The following TENM2 variants were observed in gnomAD, a reference collection of about 807,000 sequenced individuals.
The protein encoded by TENM2 is teneurin transmembrane protein 2.
TENM2 carries 52 observed loss-of-function variants against 245.2 expected under a neutral mutation model. That is an observed-to-expected ratio of 0.21 (90% confidence interval 0.17 to 0.27). The LOEUF (loss-of-function observed/expected upper bound fraction) is 0.27. TENM2 is among the 10% of genes least tolerant of loss of function. The pLI, the probability that TENM2 is intolerant of heterozygous loss-of-function variation, is 1.00. For synonymous variants in TENM2, 1,363 were observed against 1,438.9 expected (o/e 0.95, Z 1.19); for missense variants, 3,046 against 3,666.8 (o/e 0.83, Z 4.37).
chr5:167,351,767 T>C (rs763330991), intron 1 of TENM2, among the ~76,000 whole-genome samples: 5 of 152,064 alleles, frequency 3.3e-5, no homozygotes, highest in Non-Finnish European at 5.9e-5. Context: ...CCCCAAGTCA[T>C]TATTTAAGGG....
the TENM2 span, among the ~76,000 whole-genome samples, chr5:167,279,576 C>T: frequency 1.1e-5 from 1 of 90,712 alleles, no homozygotes; most frequent in Non-Finnish European, 2.2e-5. Flanking sequence ...CTTCTTTCTT[C>T]TGTTGTATAT....
chr5:168,121,415 T>A (rs1244848304), intron 10 of TENM2, among the ~76,000 whole-genome samples: 1 of 152,236 alleles, frequency 6.6e-6, no homozygotes, highest in Non-Finnish European at 1.5e-5. Flanking sequence ...ATAGTAAAAC[T>A]GCTCCTCTTG....
chr5:167,601,724 G>A (rs902966747), intron 2 of TENM2, among the ~76,000 whole-genome samples: 1 of 152,148 alleles, frequency 6.6e-6, no homozygotes, highest in Non-Finnish European at 1.5e-5. Flanking sequence ...GTTACCCTAT[G>A]AATCACTGAG....
intron 4 of TENM2, among the ~76,000 whole-genome samples, chr5:167,990,386 C>T (rs752266263): frequency 2.0e-5 from 3 of 152,134 alleles, no homozygotes; most frequent in African/African-American, 7.2e-5. Flanking sequence ...ATGGGACACA[C>T]CTTGGTTAAG....
At chr5:167,300,938 A>T (rs1755274986) in intron 1 of TENM2, among the ~76,000 whole-genome samples, 1 of 152,138 alleles carries the variant, frequency 6.6e-6, no homozygotes. Context: ...TGGCCCCAGA[A>T]TTGGGGAGTT....
Position 167,697,628 on chromosome 5 carries a change from G to A in TENM2, c.503-178358G>A, listed in dbSNP as rs183902388. ...GCAACCTCTGCCCCCAGGTTCAAGCGATTCTCCTGCCTCAGCCTCCCTACT... is the reference window on the plus strand; with the variant it reads ...GCAACCTCTGCCCCCAGGTTCAAGCAATTCTCCTGCCTCAGCCTCCCTACT... On this transcript the variant is annotated intron_variant, in intron 2 of 28. Coordinates refer to ENST00000518659, the Ensembl canonical transcript of TENM2. Among the ~76,000 whole-genome samples, 66 of 152,214 alleles carry A rather than the reference G, an allele frequency of 4.3e-4. 1 individual carries two copies. The East Asian group carries it at 0.012, about 27-fold the overall frequency.
At chr5:167,561,008 C>G (rs998144827) in intron 2 of TENM2, among the ~76,000 whole-genome samples, 1 of 152,116 alleles carries the variant, frequency 6.6e-6, no homozygotes, top group Non-Finnish European at 1.5e-5. Context: ...ATGATCCAGC[C>G]CAAAATGTCA....
At chr5:167,058,592 C>G in the TENM2 span, among the ~76,000 whole-genome samples, 6 of 151,950 alleles carry the variant, frequency 3.9e-5, no homozygotes, top group African/African-American at 1.4e-4. Context: ...GACCCTATCT[C>G]TATAAAAAAT....
the TENM2 span, among the ~76,000 whole-genome samples, chr5:167,068,188 T>C: frequency 2.0e-5 from 3 of 152,208 alleles, no homozygotes; most frequent in African/African-American, 7.2e-5. Flanking sequence ...TGAAGTTTAA[T>C]AGTAGATGGC....
the TENM2 span, among the ~76,000 whole-genome samples, chr5:167,212,859 A>G: frequency 1.8e-4 from 27 of 152,304 alleles, no homozygotes; most frequent in South Asian, 1.7e-3. Context: ...ATATGCACAT[A>G]GGAGGAGAGC....
At chr5:167,046,170 C>T in the TENM2 span, among the ~76,000 whole-genome samples, 1 of 152,138 alleles carries the variant, frequency 6.6e-6, no homozygotes, top group Non-Finnish European at 1.5e-5. Context: ...TTCCAAATCA[C>T]AGTTATGTGG....
intron 2 of TENM2, among the ~76,000 whole-genome samples, chr5:167,640,551 G>A (rs1293762856): frequency 6.6e-6 from 1 of 150,554 alleles, no homozygotes; most frequent in Non-Finnish European, 1.5e-5. Flanking sequence ...CCATGACGTG[G>A]AGGTTGCAGT....
intron 2 of TENM2, among the ~76,000 whole-genome samples, chr5:167,484,223 C>T (rs12516554): frequency 0.22 from 32,888 of 151,920 alleles, 3,716 homozygotes; most frequent in African/African-American, 0.29. Context: ...CGGGAACCTG[C>T]AATCCTAGCT....
the TENM2 span, among the ~76,000 whole-genome samples, chr5:167,061,865 G>C: frequency 2.0e-5 from 3 of 150,822 alleles, no homozygotes; most frequent in Non-Finnish European, 4.4e-5. Context: ...GAAGCAGAGT[G>C]TATCATTATC....
At chr5:167,998,586 C>T (rs1007971589) in intron 5 of TENM2, among the ~76,000 whole-genome samples, 3 of 152,100 alleles carry the variant, frequency 2.0e-5, no homozygotes, top group East Asian at 1.9e-4. Flanking sequence ...AGACACTTCA[C>T]GGGGTTGGTA....
intron 2 of TENM2, among the ~76,000 whole-genome samples, chr5:167,777,820 T>C (rs1055390247): frequency 6.6e-5 from 10 of 152,196 alleles, no homozygotes; most frequent in African/African-American, 2.4e-4. Flanking sequence ...CTTCATGTCA[T>C]TCACAGAAAA....
the TENM2 span, among the ~76,000 whole-genome samples, chr5:167,179,390 T>C: frequency 6.6e-6 from 1 of 152,222 alleles, no homozygotes; most frequent in African/African-American, 2.4e-5. Context: ...TCAAGTCGTA[T>C]AATTATTGTA....
intron 2 of TENM2, among the ~76,000 whole-genome samples, chr5:167,697,356 A>C (rs1757832894): frequency 6.6e-6 from 1 of 152,152 alleles, no homozygotes; most frequent in African/African-American, 2.4e-5. Context: ...TTTCCTTATA[A>C]GGACTTATTT....
At chr5:168,229,362 C>T (rs1235833061) in intron 25 of TENM2, among the ~76,000 whole-genome samples, 1 of 152,134 alleles carries the variant, frequency 6.6e-6, no homozygotes. Flanking sequence ...GATTCTGCTC[C>T]AGTCACTTAT....
Sources: gnomAD v4.1 joint callset for allele counts (sites outside exome capture counted in the v4.1 genomes callset) on GRCh38, gnomAD v4.1.1 for gene constraint, MANE v1.5 for transcripts, NCBI Gene and HGNC (gene_info 2026-07-23, HGNC 2026-07-21) for gene names.